Variants in CENPK observed in about 807,000 individuals in gnomAD.
CENPK encodes centromere protein K.
Under a neutral mutation model 40.9 loss-of-function variants are expected in CENPK, and 46 were observed. That is an observed-to-expected ratio of 1.13 (90% CI 0.89 to 1.44). The LOEUF (loss-of-function observed/expected upper bound fraction) is 1.44, where lower values mean the gene tolerates loss of function less well. Ranked by LOEUF, CENPK falls within the 40% of genes most tolerant of loss-of-function variation. The pLI, the probability that CENPK is intolerant of heterozygous loss-of-function variation, is 0.00. For synonymous variants in CENPK, 107 were observed against 104.4 expected (o/e 1.02, Z -0.15); for missense variants, 288 against 303.5 (o/e 0.95, Z 0.38).
At chr5:65,525,440 A>G (rs1744520229) in intron 9 of CENPK, among the ~76,000 whole-genome samples, 1 of 152,196 alleles carries the variant, frequency 6.6e-6, no homozygotes, top group Non-Finnish European at 1.5e-5. Flanking sequence ...CCATCCATCA[A>G]TCCATCTATT....
chr5:65,507,741 C>T, the CENPK span, among the ~76,000 whole-genome samples: 1 of 152,120 alleles, frequency 6.6e-6, no homozygotes, highest in East Asian at 1.9e-4. Flanking sequence ...ACTGTAGACC[C>T]TATTCAAATT....
chr5:65,525,841 C>T (rs1483893610), intron 9 of CENPK, among the ~76,000 whole-genome samples: 1 of 149,920 alleles, frequency 6.7e-6, no homozygotes, highest in Non-Finnish European at 1.5e-5. Flanking sequence ...AAGTGGTCAC[C>T]TACAAGCCAG....
chr5:65,517,101 C>T (rs943458342), downstream of CENPK, among the ~76,000 whole-genome samples: 2 of 152,028 alleles, frequency 1.3e-5, no homozygotes, highest in African/African-American at 4.8e-5. Flanking sequence ...ACCACCACAC[C>T]CAGCTAATTT....
chr5:65,500,621 G>A, the CENPK span, among the ~76,000 whole-genome samples: 1 of 151,932 alleles, frequency 6.6e-6, no homozygotes, highest in Non-Finnish European at 1.5e-5. Context: ...TTTTGTCTCT[G>A]TTAATCAGAT....
Position 65,547,022 on chromosome 5 carries a change from A to G in CENPK, c.242-4174T>C, listed in dbSNP as rs75897491. On this transcript the variant is annotated intron_variant, in intron 5 of 10. Coordinates refer to ENST00000396679, the MANE Select transcript of CENPK (RefSeq NM_022145.5). Reference sequence around the variant, plus strand: ...ATGAACATATGGAAGTTATTATTACAGATATAACACATAAAAACAGGAGAA... The same window carrying G: ...ATGAACATATGGAAGTTATTATTACGGATATAACACATAAAAACAGGAGAA... 6.0e-3 allele frequency among the ~76,000 whole-genome samples: 918 copies of G among 152,298 alleles called. 6 individuals are homozygous for G. Among genetic ancestry groups the G allele is most frequent in the African/African-American group, 0.02 (837 of 41,558 alleles).
chr5:65,511,690 T>C, the CENPK span, among the ~76,000 whole-genome samples: 1 of 152,176 alleles, frequency 6.6e-6, no homozygotes, highest in Non-Finnish European at 1.5e-5. Flanking sequence ...ATTAGATTCT[T>C]ACAGGAGCAC....
In CENPK at chr5:65,520,074, G is replaced by A. The variant is rs891369813; in HGVS notation, c.651+1401C>T. 7.2e-5 allele frequency among the ~76,000 whole-genome samples: 11 copies of A among 152,224 alleles called. No individual in the cohort carries two copies. In the East Asian group the frequency reaches 1.9e-3, roughly 27 times the overall value. The stretch of plus-strand genomic sequence containing the variant: ...ATATTGAAATGTAATCCCCAATGTT[G>A]GAGGTGGAGCCTGGTGGGAGGTGAT... On this transcript the variant is annotated intron_variant, in intron 10 of 10. Coordinates refer to ENST00000396679, the MANE Select transcript of CENPK (RefSeq NM_022145.5).
the CENPK span, among the ~76,000 whole-genome samples, chr5:65,501,695 G>A: frequency 4.8e-4 from 73 of 152,248 alleles, no homozygotes; most frequent in East Asian, 0.011. Flanking sequence ...GAAAGTCCAC[G>A]TTCTCTGCTC....
chr5:65,528,516 C>T lies in CENPK; in HGVS notation c.533G>A (p.Ser178Asn). The part of the protein sequence containing the change: ...NIKEYKEKLL[S>N]TLGEFLEDHF... ...GTCTTCTAGAAACTCGCCCAAGGTA[C>T]TCAAGAGTTTCTCCTTATATTCTTT... The change falls in exon 9 of 11, where the codon AGT becomes AAT. Residue 178 changes from serine (S) to asparagine (N), a missense_variant. By Grantham distance (46) the Ser-to-Asn change is conservative. Transcript: ENST00000396679. The T allele has an allele frequency of 6.2e-7, 1 of 1,605,486 alleles. No individual in the cohort carries two copies. The highest frequency in any genetic ancestry group is 2.2e-5 in the East Asian group (1 of 44,594).
the CENPK span, among the ~76,000 whole-genome samples, chr5:65,503,152 C>G: frequency 7.0e-6 from 1 of 142,008 alleles, no homozygotes; most frequent in African/African-American, 2.6e-5. Context: ...ACTCTGTCTC[C>G]TAGGCTGGAT....
intron 8 of CENPK, 53 bp downstream of exon 8, chr5:65,528,866 C>CA (rs1175517615): frequency 2.0e-5 from 24 of 1,178,596 alleles, no homozygotes; most frequent in Non-Finnish European, 2.8e-5. Flanking sequence ...TCATGTAACA[C>CA]AAAAAATAAA....
intron 6 of CENPK, among the ~76,000 whole-genome samples, chr5:65,530,734 C>A (rs1409463490): frequency 6.6e-6 from 1 of 150,944 alleles, no homozygotes; most frequent in African/African-American, 2.4e-5. Context: ...CATGGTGAAA[C>A]CCTGTCTCTA....
the CENPK span, among the ~76,000 whole-genome samples, chr5:65,502,527 A>C: frequency 1.3e-5 from 2 of 152,198 alleles, no homozygotes; most frequent in Non-Finnish European, 2.9e-5. Flanking sequence ...AACATTTTCA[A>C]AATATTTATT....
At chr5:65,517,577 TA>T (rs1284160637), downstream of CENPK, among the ~76,000 whole-genome samples, 1 of 152,148 alleles carries the variant, frequency 6.6e-6, no homozygotes, top group Non-Finnish European at 1.5e-5. Flanking sequence ...GAGACTTGGA[TA>T]ATATACAGTA....
At chr5:65,543,985 T>C (rs1283229506) in intron 5 of CENPK, among the ~76,000 whole-genome samples, 2 of 152,224 alleles carry the variant, frequency 1.3e-5, no homozygotes, top group South Asian at 2.1e-4. Flanking sequence ...TCAATCCTTA[T>C]GCTAGAAATT....
intron 6 of CENPK, chr5:65,529,634 C>A: frequency 6.4e-6 from 1 of 156,362 alleles, no homozygotes; most frequent in Non-Finnish European, 1.4e-5. Flanking sequence ...CTACAGGTGC[C>A]CGCCACCATG....
At chr5:65,539,123 AT>A (rs1202850203) in intron 6 of CENPK, among the ~76,000 whole-genome samples, 1 of 152,180 alleles carries the variant, frequency 6.6e-6, no homozygotes, top group Non-Finnish European at 1.5e-5. Context: ...ACATGACATT[AT>A]TGACATTTAA....
At chr5:65,541,815 G>A (rs1423537128) in intron 6 of CENPK, among the ~76,000 whole-genome samples, 1 of 152,012 alleles carries the variant, frequency 6.6e-6, no homozygotes, top group Non-Finnish European at 1.5e-5. Flanking sequence ...AGAATTTTTT[G>A]GTATTTGTTA....
chr5:65,554,365 T>C (rs548651675), intron 3 of CENPK, among the ~76,000 whole-genome samples: 1 of 152,248 alleles, frequency 6.6e-6, no homozygotes, highest in East Asian at 1.9e-4. Context: ...TCGGCCAGGA[T>C]GGTCTCAATC....
Sources: allele counts gnomAD v4.1 joint callset (sites outside exome capture counted in the v4.1 genomes callset), GRCh38; gene constraint gnomAD v4.1.1; transcripts MANE v1.5; gene names NCBI Gene and HGNC (gene_info 2026-07-23, HGNC 2026-07-21).